The following GADL1 variants were observed in gnomAD, a reference collection of about 807,000 sequenced individuals.
The protein encoded by GADL1 is GAD like acidic amino acid decarboxylase 1.
A neutral mutation model predicts 69.5 loss-of-function variants in GADL1; 71 were observed. The observed-to-expected ratio is 1.02, with a 90% CI of 0.84 to 1.25. The LOEUF is 1.25. Ranked by LOEUF, GADL1 falls within the 50% of genes most tolerant of loss-of-function variation. The pLI is 0.00. For synonymous variants in GADL1, 254 were observed against 214.4 expected, an observed-to-expected ratio of 1.18 and a Z score of -1.62; for missense variants, 737 against 631.8, an observed-to-expected ratio of 1.17 and a Z score of -1.79.
intron 14 of GADL1, among the ~76,000 whole-genome samples, chr3:30,756,805 C>CT (rs1695985304): frequency 6.6e-6 from 1 of 152,130 alleles, no homozygotes; most frequent in Admixed American, 6.6e-5. Flanking sequence ...TAGCTGATGG[C>CT]TTGTCTCTCT....
chr3:30,787,898 C>T (rs1468266796), intron 12 of GADL1, among the ~76,000 whole-genome samples: 1 of 152,040 alleles, frequency 6.6e-6, no homozygotes, highest in Non-Finnish European at 1.5e-5. Context: ...TTAAGATGTT[C>T]CTTTTTGCAA....
intron 14 of GADL1, among the ~76,000 whole-genome samples, chr3:30,742,920 TA>T (rs1351734053): frequency 1.3e-5 from 2 of 152,108 alleles, no homozygotes; most frequent in African/African-American, 4.8e-5. Flanking sequence ...GTGAAATTGC[TA>T]CTTAAAGCAT....
intron 14 of GADL1, among the ~76,000 whole-genome samples, chr3:30,741,138 ATGTG>A (rs56763778): frequency 1.2e-5 from 1 of 81,186 alleles, no homozygotes; most frequent in African/African-American, 7.9e-5. Context: ...ATATATATAT[ATGTG>A]TGAGATAGGT....
intron 14 of GADL1, among the ~76,000 whole-genome samples, chr3:30,751,684 C>T (rs1047859591): frequency 3.3e-5 from 5 of 152,116 alleles, no homozygotes; most frequent in African/African-American, 9.7e-5. Context: ...TTCATCTAGT[C>T]TTAACTACAA....
intron 14 of GADL1, among the ~76,000 whole-genome samples, chr3:30,743,123 C>A (rs147038836): frequency 8.2e-4 from 125 of 151,990 alleles, no homozygotes; most frequent in African/African-American, 2.8e-3. Flanking sequence ...TGAAATAATC[C>A]TCTCATCTTT....
intron 1 of GADL1, among the ~76,000 whole-genome samples, chr3:30,890,336 G>A (rs1374799855): frequency 6.6e-6 from 1 of 152,208 alleles, no homozygotes; most frequent in Non-Finnish European, 1.5e-5. Flanking sequence ...TGCTGGGGAT[G>A]CAGTAAATAG....
intron 11 of GADL1, among the ~76,000 whole-genome samples, chr3:30,812,454 A>G (rs552093580): frequency 1.3e-5 from 2 of 152,318 alleles, no homozygotes; most frequent in Admixed American, 1.3e-4. Flanking sequence ...GCAACAGACA[A>G]GAGAACTTGT....
At chr3:30,856,923 C>G in intron 3 of GADL1, 92 bp downstream of exon 3, 3 of 1,016,582 alleles carry the variant, frequency 3.0e-6, no homozygotes, top group Non-Finnish European at 2.8e-6. Flanking sequence ...ATTTCTCGTT[C>G]CATAAGCATT....
intron 1 of GADL1, among the ~76,000 whole-genome samples, chr3:30,873,194 A>C (rs1698517174): frequency 6.6e-6 from 1 of 151,956 alleles, no homozygotes; most frequent in African/African-American, 2.4e-5. Context: ...CAAAAATATA[A>C]TTGCACTTAT....
intron 11 of GADL1, among the ~76,000 whole-genome samples, chr3:30,804,876 A>G (rs1279378944): frequency 6.6e-6 from 1 of 152,216 alleles, no homozygotes; most frequent in Non-Finnish European, 1.5e-5. Context: ...ATCTTATATG[A>G]ACCTTTTTGT....
chr3:30,821,924 T>C (rs1170040450), intron 11 of GADL1, among the ~76,000 whole-genome samples: 24 of 152,054 alleles, frequency 1.6e-4, no homozygotes, highest in Admixed American at 1.6e-3. Flanking sequence ...TTAATTAAAA[T>C]TCCTCTACTT....
intron 14 of GADL1, among the ~76,000 whole-genome samples, chr3:30,745,989 T>C (rs1285416339): frequency 1.4e-5 from 2 of 143,516 alleles, no homozygotes; most frequent in Non-Finnish European, 3.0e-5. Flanking sequence ...TCCTCCTTCT[T>C]CTTCTTCTTT....
intron 11 of GADL1, among the ~76,000 whole-genome samples, chr3:30,826,719 G>A (rs201268641): frequency 6.6e-6 from 1 of 150,924 alleles, no homozygotes; most frequent in East Asian, 1.9e-4. Flanking sequence ...GACCCAGGGA[G>A]CCTTAGAAAA....
At chr3:30,889,084 T>TTAAAAAAA (rs747921613) in intron 1 of GADL1, among the ~76,000 whole-genome samples, 1 of 32,916 alleles carries the variant, frequency 3.0e-5, no homozygotes, top group Non-Finnish European at 6.7e-5. Context: ...CGGTAATCTA[T>TTAAAAAAA]AAAAAAAAAA....
intron 14 of GADL1, among the ~76,000 whole-genome samples, chr3:30,775,210 C>A (rs893947596): frequency 2.0e-5 from 3 of 152,202 alleles, no homozygotes; most frequent in African/African-American, 7.2e-5. Flanking sequence ...TCTCCAGATT[C>A]ATTACCAAAT....
intron 11 of GADL1, among the ~76,000 whole-genome samples, chr3:30,808,437 G>A (rs1235517120): frequency 1.3e-5 from 2 of 151,708 alleles, no homozygotes; most frequent in Non-Finnish European, 2.9e-5. Flanking sequence ...GGCAGAGGTT[G>A]CAGTGAGCTG....
intron 1 of GADL1, among the ~76,000 whole-genome samples, chr3:30,882,061 C>T (rs1014119993): frequency 3.3e-5 from 5 of 152,008 alleles, no homozygotes; most frequent in African/African-American, 1.2e-4. Flanking sequence ...TATAGCAGCA[C>T]AAAATAGACT....
At chr3:30,858,711 A>G (rs1210874941) in intron 2 of GADL1, among the ~76,000 whole-genome samples, 1 of 152,006 alleles carries the variant, frequency 6.6e-6, no homozygotes, top group Non-Finnish European at 1.5e-5. Context: ...AAAGCTGTAT[A>G]GCAGTTGATC....
At chr3:30,889,624 CT>C (rs980651051) in intron 1 of GADL1, among the ~76,000 whole-genome samples, 5 of 151,772 alleles carry the variant, frequency 3.3e-5, no homozygotes, top group African/African-American at 1.2e-4. Context: ...TTCCAGTTAA[CT>C]TTTTTTTTCC....
Sources: allele counts gnomAD v4.1 joint callset (sites outside exome capture counted in the v4.1 genomes callset), GRCh38; gene constraint gnomAD v4.1.1; transcripts MANE v1.5; gene names NCBI Gene and HGNC (gene_info 2026-07-23, HGNC 2026-07-21).